TRMT6: variants seen among roughly 807,000 people sequenced by gnomAD.
TRMT6 encodes the protein tRNA (adenine(58)-N(1))-methyltransferase non-catalytic subunit TRM6.
In TRMT6, 34 loss-of-function variants were observed where a neutral mutation model predicts 59.0. That is an observed-to-expected ratio of 0.58 (90% confidence interval 0.44 to 0.77). TRMT6 has a LOEUF of 0.77. Among genes scored for constraint, TRMT6 ranks in the 30% least tolerant of loss-of-function variants. TRMT6 has a pLI of 0.00. For synonymous variants in TRMT6, 217 were observed against 210.5 expected (o/e 1.03, Z -0.27); for missense variants, 575 against 604.5 (o/e 0.95, Z 0.51).
chr20:5,947,721 G>A (rs2088719884), intron 1 of TRMT6, among the ~76,000 whole-genome samples: 1 of 151,512 alleles, frequency 6.6e-6, no homozygotes, highest in African/African-American at 2.4e-5. Flanking sequence ...GCCCAGATGT[G>A]CACCCCCTAT....
chr20:5,949,638 T>C (rs562658551), intron 1 of TRMT6, among the ~76,000 whole-genome samples: 11 of 152,326 alleles, frequency 7.2e-5, no homozygotes, highest in Non-Finnish European at 1.6e-4. Flanking sequence ...AAACTCAAAG[T>C]GATTCCACAC....
At chr20:5,947,915 G>GCC (rs2122611461) in intron 1 of TRMT6, among the ~76,000 whole-genome samples, 1 of 152,278 alleles carries the variant, frequency 6.6e-6, no homozygotes, top group African/African-American at 2.4e-5. Context: ...GCCAGGTGTA[G>GCC]TGGCACACAC....
At chr20:5,946,577 C>T in intron 1 of TRMT6, 44 bp from the exon 2 acceptor site, 2 of 1,593,884 alleles carry the variant, frequency 1.3e-6, no homozygotes, top group Non-Finnish European at 1.7e-6. Context: ...CTTTTCTATC[C>T]AGTACAGAAA....
At chr20:5,939,058 T>C (rs2088633904) in intron 10 of TRMT6, among the ~76,000 whole-genome samples, 1 of 152,044 alleles carries the variant, frequency 6.6e-6, no homozygotes, top group Non-Finnish European at 1.5e-5. Context: ...CCACTTTGGC[T>C]TTCCAAAGTG....
chr20:5,950,440 C>T lies in TRMT6; in HGVS notation c.-35G>A. On this transcript the variant is annotated 5_prime_UTR_variant, in exon 1 of 11. Transcript: ENST00000203001. ...CCGGTCGCCGTGCTCCACGGCGTCCCGCCCCTCCTCCTCGGTTGTCGCCAC... is the reference window on the plus strand; with the variant it reads ...CCGGTCGCCGTGCTCCACGGCGTCCTGCCCCTCCTCCTCGGTTGTCGCCAC... 6.4e-7 allele frequency: 1 copy of T among 1,550,572 alleles called. No individual in the cohort carries two copies. Among genetic ancestry groups the T allele is most frequent in the Non-Finnish European group, 8.7e-7 (1 of 1,150,300 alleles).
At position 5,950,489 on chromosome 20, in the gene TRMT6, T is replaced by A; in HGVS notation, c.-84A>T. The A allele has an allele frequency of 6.2e-6, 9 of 1,450,892 alleles. No homozygotes were observed. The South Asian group carries it at 1.2e-4, about 19-fold the overall frequency. 89.9% of individuals were successfully genotyped at this position (1,450,892 alleles called of 1,614,324 possible). On this transcript the variant is annotated 5_prime_UTR_variant, in exon 1 of 11. Transcript: ENST00000203001. ...ACCGCCAGCCTCACTTCCCACAACC[T>A]GGCGCACTAGGAGCCCTCCGACCGG...
In TRMT6 at chr20:5,942,773, A is replaced by G. The variant is rs750467539; in HGVS notation, c.681T>C (p.Ile227=). 3.7e-6 allele frequency: 6 copies of G among 1,612,702 alleles called. No individual in the cohort carries two copies. The highest frequency in any genetic ancestry group is 5.1e-6 in the Non-Finnish European group (6 of 1,179,470). The part of the protein sequence containing the change: ...MMERMGGFGS[I]IQLYPGGGPV... ...GTCCTCCTCCAGGGTATAGCTGAATAATGGAGCCAAAACCTGAACAGATAA... is the reference window on the plus strand; with the variant it reads ...GTCCTCCTCCAGGGTATAGCTGAATGATGGAGCCAAAACCTGAACAGATAA... Residue 227 remains isoleucine (I), a synonymous_variant, in exon 7 of 11, where the codon ATT becomes ATC. Coordinates refer to ENST00000203001, the MANE Select transcript of TRMT6 (RefSeq NM_015939.5).
Position 5,943,662 on chromosome 20 carries a change from T to C in TRMT6, c.564A>G (p.Leu188=). The C allele has an allele frequency of 6.2e-7, 1 of 1,614,194 alleles. No individual in the cohort carries two copies. Among genetic ancestry groups the C allele is most frequent in the South Asian group, 1.1e-5 (1 of 91,072 alleles). ...GKINHMRYDT[L]AQMLTLGNIR... ...TATTTCCCAACGTCAACATCTGGGC[T>C]AGTGTATCGTATCTCATGTGGCTAA... The change falls in exon 6 of 11, where the codon CTA becomes CTG. Residue 188 remains leucine, a synonymous_variant. Coordinates refer to ENST00000203001, the MANE Select transcript of TRMT6 (RefSeq NM_015939.5).
rs1185153495 is a variant in TRMT6, at chr20:5,938,584, G to A, written c.1445C>T (p.Thr482Ile). 7 of 1,614,088 alleles carry A rather than the reference G, an allele frequency of 4.3e-6. No individual in the cohort carries two copies. Among genetic ancestry groups the A allele is most frequent in the Non-Finnish European group, 5.9e-6 (7 of 1,180,028 alleles). ...TCGTTTTTTAGCTGCAGGCTCCTCA[G>A]TCTCGTGTGATTCTAAAGTGCTTGC... is the stretch of plus-strand genomic sequence containing the variant. ...SNASTLESHE[T>I]EEPAAKKRKC... is the part of the protein sequence containing the mutation. The change falls in exon 11 of 11, where the codon ACT becomes ATT. Residue 482 changes from threonine to isoleucine, a missense_variant. Physicochemically the swap from Thr to Ile is moderately conservative, Grantham distance 89. Coordinates refer to ENST00000203001, the MANE Select transcript of TRMT6 (RefSeq NM_015939.5).
At chr20:5,950,156 GA>G in intron 1 of TRMT6, 121 bp downstream of exon 1, 1 of 1,039,174 alleles carries the variant, frequency 9.6e-7, no homozygotes, top group Non-Finnish European at 1.4e-6. Context: ...CGAGGGCGGG[GA>G]ATGGGGACCG....
intron 6 of TRMT6, 75 bp from the exon 7 acceptor site, chr20:5,942,861 C>T (rs1043281611): frequency 9.1e-7 from 1 of 1,103,898 alleles, no homozygotes; most frequent in Admixed American, 2.1e-5. Context: ...GAGTCCTCCA[C>T]AGTAATGAGA....
chr20:5,944,622 T>C (rs1477317779), intron 3 of TRMT6, among the ~76,000 whole-genome samples, 183 bp downstream of exon 3: 2 of 152,240 alleles, frequency 1.3e-5, no homozygotes, highest in African/African-American at 4.8e-5. Context: ...CATTCACTTA[T>C]ATTCCTGTAT....
At chr20:5,950,147 G>T in intron 1 of TRMT6, 131 bp downstream of exon 1, 1 of 948,466 alleles carries the variant, frequency 1.1e-6, no homozygotes, top group Non-Finnish European at 1.5e-6. Flanking sequence ...AGGAGACAAC[G>T]AGGGCGGGGA....
intron 10 of TRMT6, among the ~76,000 whole-genome samples, chr20:5,939,225 G>A (rs1014161967): frequency 6.6e-6 from 1 of 152,212 alleles, no homozygotes; most frequent in Non-Finnish European, 1.5e-5. Context: ...GCTCACGCCT[G>A]TAATCCCAGC....
At position 5,938,744 on chromosome 20, in the gene TRMT6, G is replaced by T; in HGVS notation, c.1303-18C>A. On this transcript the variant is annotated intron_variant, in intron 10 of 10. Transcript: ENST00000203001. ...GGCAAAACCTAATCAAGACAGAAAA[G>T]ACATTCATGCTTTCCTAAGACAATA... The T allele has an allele frequency of 1.2e-6, 2 of 1,609,966 alleles. No individual in the cohort carries two copies. The highest frequency in any genetic ancestry group is 1.7e-6 in the Non-Finnish European group (2 of 1,177,520).
rs2088705786 is a variant in TRMT6, at chr20:5,946,293, G to A, written c.256+113C>T. On this transcript the variant is annotated intron_variant, in intron 2 of 10. Coordinates refer to ENST00000203001, the MANE Select transcript of TRMT6 (RefSeq NM_015939.5). ...CTGAGCTGCAGTTCTTAGATTATGAGTTAAGATTTCTTTTGGGATAGCATG... is the reference window on the plus strand; with the variant it reads ...CTGAGCTGCAGTTCTTAGATTATGAATTAAGATTTCTTTTGGGATAGCATG... 15 of 1,335,914 alleles carry A rather than the reference G, an allele frequency of 1.1e-5. No homozygotes were observed. In the South Asian group the frequency reaches 2.0e-4, roughly 18 times the overall value. 82.8% of individuals were successfully genotyped at this position (1,335,914 alleles called of 1,614,324 possible).
Position 5,950,281 on chromosome 20 carries a change from C to A in TRMT6, c.125G>T (p.Arg42Ile), listed in dbSNP as rs1277652810. 6 of 1,604,690 alleles carry A rather than the reference C, an allele frequency of 3.7e-6. No individual in the cohort carries two copies. The highest frequency in any genetic ancestry group is 5.1e-6 in the Non-Finnish European group (6 of 1,173,686). The change falls in exon 1 of 11, where the codon AGA (arginine) becomes ATA (isoleucine). Residue 42 changes from arginine (R) to isoleucine (I), a missense_variant. Coordinates refer to ENST00000203001, the MANE Select transcript of TRMT6 (RefSeq NM_015939.5). ...TAAAATCAGCGATCTGACTTACTTT[C>A]TCCGCTGGACTTGTACTGCTTTAAA... ...DVFKAVQVQR[R>I]KKVTFEKQWF...
rs1447118655 is a variant in TRMT6 at position 5,950,266 on chromosome 20, G to A, written c.128+12C>T. ...GGGGCGGGAGACCCCTAAAATCAGC[G>A]ATCTGACTTACTTTCTCCGCTGGAC... On this transcript the variant is annotated intron_variant, in intron 1 of 10. Transcript: ENST00000203001. 1.3e-6 allele frequency: 2 copies of A among 1,594,888 alleles called. No individual in the cohort carries two copies. The highest frequency in any genetic ancestry group is 4.6e-5 in the East Asian group (2 of 43,544).
chr20:5,943,748 T>C (rs940811422), intron 5 of TRMT6, 65 bp from the exon 6 acceptor site: 2 of 1,567,808 alleles, frequency 1.3e-6, no homozygotes, highest in Non-Finnish European at 1.7e-6. Context: ...AATCATCATT[T>C]TTCAAGTTTT....
Sources: gnomAD v4.1 joint callset for allele counts (sites outside exome capture counted in the v4.1 genomes callset) on GRCh38, gnomAD v4.1.1 for gene constraint, MANE v1.5 for transcripts, NCBI Gene and HGNC (gene_info 2026-07-23, HGNC 2026-07-21) for gene names.